NOL6: variants seen among roughly 807,000 people sequenced by gnomAD.
NOL6 encodes nucleolar protein 6.
Under a neutral mutation model 131.7 loss-of-function variants are expected in NOL6, and 33 were observed. The observed-to-expected ratio is 0.25, with a 90% CI of 0.19 to 0.33. The LOEUF (loss-of-function observed/expected upper bound fraction) is 0.33, where lower values mean the gene tolerates loss of function less well. Among genes scored for constraint, NOL6 ranks in the 10% least tolerant of loss-of-function variants. The probability of loss-of-function intolerance (pLI) is 1.00; values close to 1 mark genes in which losing one functional copy is unlikely to be tolerated. For synonymous variants in NOL6, 580 were observed against 605.7 expected, an observed-to-expected ratio of 0.96 and a Z score of 0.62; for missense variants, 1,297 against 1,494.5, an observed-to-expected ratio of 0.87 and a Z score of 2.18.
chr9:33,464,539 T>C (rs35284018), intron 21 of NOL6, among the ~76,000 whole-genome samples: 28,173 of 151,542 alleles, frequency 0.19, 3,176 homozygotes, highest in Admixed American at 0.26. Context: ...AAATCACCAC[T>C]CCCACCCCCA....
chr9:33,471,589 C>T (rs1186904251), intron 3 of NOL6, among the ~76,000 whole-genome samples: 1 of 152,196 alleles, frequency 6.6e-6, no homozygotes, highest in Non-Finnish European at 1.5e-5. Context: ...ACACAAATGT[C>T]ACTTCAATAA....
rs1827094000 is a variant in NOL6, at chr9:33,461,511, T to C, written c.*1153A>G. ...GGTCTCTCTGTTGCCCAGATTGGTC[T>C]AGAACTCCTGAGCTCAAGTGATTCT... On this transcript the variant is annotated 3_prime_UTR_variant, in exon 26 of 26. Transcript: ENST00000297990. 6.6e-6 allele frequency: 1 copy of C among 152,262 alleles called. No individual in the cohort carries two copies. The highest frequency in any genetic ancestry group is 2.1e-4 in the South Asian group (1 of 4,838). 9.4% of individuals were successfully genotyped at this position (152,262 alleles called of 1,614,324 possible).
chr9:33,466,289 C>A lies in NOL6; in HGVS notation c.2209+19G>T, dbSNP rs780292945. On this transcript the variant is annotated intron_variant, in intron 17 of 25. Transcript: ENST00000297990. ...GAGCTGGAACTATCCCTCCCACTCC[C>A]TCCCAAGGGCCCTCTTACCGGTCAT... 6.2e-7 allele frequency: 1 copy of A among 1,613,936 alleles called. No homozygotes were observed.
Position 33,463,835 on chromosome 9 carries a change from A to G in NOL6, c.2990T>C (p.Ile997Thr). The G allele has an allele frequency of 2.5e-6, 4 of 1,613,976 alleles. No homozygotes were observed. Among genetic ancestry groups the G allele is most frequent in the Non-Finnish European group, 3.4e-6 (4 of 1,179,894 alleles). Reference sequence around the variant, plus strand: ...CACTGCTGGTCAGAAGCTTACCCTGATGTCCCCAGGTCCCCGGGGATCCAT... The same window carrying G: ...CACTGCTGGTCAGAAGCTTACCCTGGTGTCCCCAGGTCCCCGGGGATCCAT... ...QLMDPRGPGDIRTVFRPPLDI... is the reference protein window; with the variant it reads ...QLMDPRGPGDTRTVFRPPLDI... Residue 997 changes from isoleucine (I) to threonine (T), a missense_variant, in exon 23 of 26, where the codon ATC becomes ACC. Coordinates refer to ENST00000297990, the MANE Select transcript of NOL6 (RefSeq NM_022917.5).
chr9:33,469,463 C>T (rs972329283), intron 5 of NOL6, 36 bp downstream of exon 5: 8 of 1,591,326 alleles, frequency 5.0e-6, no homozygotes, highest in Non-Finnish European at 4.3e-6. Context: ...ATTTACCATC[C>T]CATGCTATGC....
Position 33,463,048 on chromosome 9 carries a change from C to G in NOL6, c.3276G>C (p.Gln1092His). ...IGVLWKPTSF[Q>H]PQPFKASSTK... ...GCCAGCACACCTTGAAGGGCTGCGG[C>G]TGGAAGCTGGTGGGCTTCCAGAGGA... The change falls in exon 25 of 26, where the codon CAG (glutamine) becomes CAC (histidine). Residue 1092 changes from glutamine to histidine, a missense_variant. Gln to His is a conservative substitution (Grantham distance 24). Coordinates refer to ENST00000297990, the MANE Select transcript of NOL6 (RefSeq NM_022917.5). 2.5e-6 allele frequency: 4 copies of G among 1,613,656 alleles called. No individual in the cohort carries two copies. The highest frequency in any genetic ancestry group is 3.4e-6 in the Non-Finnish European group (4 of 1,179,796).
chr9:33,461,849 C>T lies in NOL6; in HGVS notation c.*815G>A. 3.2e-6 allele frequency: 1 copy of T among 308,196 alleles called. No individual in the cohort carries two copies. Among genetic ancestry groups the T allele is most frequent in the Non-Finnish European group, 6.1e-6 (1 of 163,034 alleles). 19.1% of individuals were successfully genotyped at this position (308,196 alleles called of 1,614,324 possible). ...GGAGGCAGCATTCTCCTCCTTGGGC[C>T]CTGGGAGCTCCTGGGGAGTAAGACT... On this transcript the variant is annotated 3_prime_UTR_variant, in exon 26 of 26. Transcript: ENST00000297990.
chr9:33,466,818 A>G lies in NOL6; in HGVS notation c.1950+94T>C, dbSNP rs192403126. 37 of 1,574,966 alleles carry G rather than the reference A, an allele frequency of 2.3e-5. No individual in the cohort carries two copies. The African/African-American group carries it at 4.7e-4, about 20-fold the overall frequency. ...GAGCCAGCACCGCCGCCTGCTGGAC[A>G]TGCCAGGAAGTGCAAGCTGGCCAAG... On this transcript the variant is annotated intron_variant, in intron 15 of 25. Transcript: ENST00000297990.
At chr9:33,465,183 TG>T (rs767335408) in intron 20 of NOL6, 23 bp downstream of exon 20, 1 of 1,578,086 alleles carries the variant, frequency 6.3e-7, no homozygotes, top group South Asian at 1.1e-5. Context: ...ACTTCTCAGC[TG>T]GGGAAAAAGT....
At chr9:33,466,885 C>G (rs113755202) in intron 15 of NOL6, 27 bp downstream of exon 15, 2 of 1,610,230 alleles carry the variant, frequency 1.2e-6, no homozygotes, top group Admixed American at 1.7e-5. Flanking sequence ...ACTCTACAAT[C>G]ACTAGCCTTG....
At chr9:33,473,066 G>C (rs1827458801) in intron 1 of NOL6, among the ~76,000 whole-genome samples, 1 of 151,628 alleles carries the variant, frequency 6.6e-6, no homozygotes, top group South Asian at 2.1e-4. Flanking sequence ...GCTGATATAG[G>C]CCTGGGACTT....
Position 33,469,015 on chromosome 9 carries a change from G to A in NOL6, c.969C>T (p.Gly323=), listed in dbSNP as rs115467529. The change falls in exon 7 of 26, where the codon GGC becomes GGT. Residue 323 remains glycine (G), a synonymous_variant. Transcript: ENST00000297990. ...TCAGAAGTGCCACGCCATCCTTCAG[G>A]CCCTGGGCTGAACTCAGAATGGTTG... ...LLSTILSSAQ[G]LKDGVALLKV... is the part of the protein sequence containing the mutation. The A allele has an allele frequency of 6.2e-7, 1 of 1,614,160 alleles. No homozygotes were observed. Among genetic ancestry groups the A allele is most frequent in the African/African-American group, 1.3e-5 (1 of 75,056 alleles).
chr9:33,468,596 T>C (rs1191741517), intron 8 of NOL6, 30 bp from the exon 9 acceptor site: 28 of 1,605,800 alleles, frequency 1.7e-5, no homozygotes, highest in African/African-American at 2.7e-5. Flanking sequence ...TATTAGAAGG[T>C]ATCCCCTTCT....
chr9:33,462,505 A>G lies in NOL6; in HGVS notation c.*159T>C. 2.5e-6 allele frequency: 2 copies of G among 795,312 alleles called. No individual in the cohort carries two copies. Among genetic ancestry groups the G allele is most frequent in the Admixed American group, 5.5e-5 (2 of 36,280 alleles). 49.3% of individuals were successfully genotyped at this position (795,312 alleles called of 1,614,324 possible). On this transcript the variant is annotated 3_prime_UTR_variant, in exon 26 of 26. Transcript: ENST00000297990. Reference sequence around the variant, plus strand: ...CCCAATGCTGGAGCATCAGAGAGAAAGTTGGGGCTGGGTTTTGTTGGAGAT... The same window carrying G: ...CCCAATGCTGGAGCATCAGAGAGAAGGTTGGGGCTGGGTTTTGTTGGAGAT...
At chr9:33,471,212 G>A (rs1211219959) in intron 3 of NOL6, among the ~76,000 whole-genome samples, 1 of 152,272 alleles carries the variant, frequency 6.6e-6, no homozygotes, top group Non-Finnish European at 1.5e-5. Flanking sequence ...GCAGTGAACT[G>A]AGATCGCGCC....
At chr9:33,465,946 C>T (rs765274483) in intron 18 of NOL6, 49 bp from the exon 19 acceptor site, 23 of 1,594,922 alleles carry the variant, frequency 1.4e-5, no homozygotes, top group African/African-American at 8.0e-5. Flanking sequence ...CCCAGAACCC[C>T]GGGAGTACTC....
Position 33,466,608 on chromosome 9 carries a change from A to T in NOL6, c.2052T>A (p.Ser684=). The T allele has an allele frequency of 1.2e-6, 2 of 1,614,118 alleles. No individual in the cohort carries two copies. The highest frequency in any genetic ancestry group is 1.7e-6 in the Non-Finnish European group (2 of 1,180,026). Residue 684 remains serine, a synonymous_variant, in exon 16 of 26, where the codon TCT becomes TCA. Coordinates refer to ENST00000297990, the MANE Select transcript of NOL6 (RefSeq NM_022917.5). ...WGLEGLPLTV[S]AVQGAHPVLR... ...GCACTGGGTGAGCTCCCTGAACAGCAGACACGGTCAGTGGGAGACCCTCTA... is the reference window on the plus strand; with the variant it reads ...GCACTGGGTGAGCTCCCTGAACAGCTGACACGGTCAGTGGGAGACCCTCTA...
Position 33,470,042 on chromosome 9 carries a change from G to T in NOL6, c.528C>A (p.Ile176=), listed in dbSNP as rs770330870. The T allele has an allele frequency of 6.2e-7, 1 of 1,609,612 alleles. No individual in the cohort carries two copies. Among genetic ancestry groups the T allele is most frequent in the Non-Finnish European group, 8.5e-7 (1 of 1,177,236 alleles). Residue 176 remains isoleucine, a synonymous_variant, in exon 4 of 26, where the codon ATC becomes ATA. Transcript: ENST00000297990. ...YLLGTCIRPD[I]NVDVALTMPR... ...GCATGGTCAGTGCCACATCCACATTGATGTCTGGTCGGATGCAGGTGCCCA... is the reference window on the plus strand; with the variant it reads ...GCATGGTCAGTGCCACATCCACATTTATGTCTGGTCGGATGCAGGTGCCCA...
At chr9:33,464,707 G>T (rs1412686333) in intron 21 of NOL6, among the ~76,000 whole-genome samples, 172 bp downstream of exon 21, 1 of 152,156 alleles carries the variant, frequency 6.6e-6, no homozygotes, top group African/African-American at 2.4e-5. Context: ...ACAATTAAGA[G>T]CAAACCATGT....
Sources: gnomAD v4.1 joint callset for allele counts (sites outside exome capture counted in the v4.1 genomes callset) on GRCh38, gnomAD v4.1.1 for gene constraint, MANE v1.5 for transcripts, NCBI Gene and HGNC (gene_info 2026-07-23, HGNC 2026-07-21) for gene names.